Variants in CAPZA2 observed in about 807,000 individuals in gnomAD.
The protein encoded by CAPZA2 is F-actin-capping protein subunit alpha-2.
A neutral mutation model predicts 44.0 loss-of-function variants in CAPZA2; 13 were observed. The observed-to-expected ratio is 0.30, with a 90% CI of 0.19 to 0.47. The LOEUF (loss-of-function observed/expected upper bound fraction) is 0.47, where lower values mean the gene tolerates loss of function less well. Among genes scored for constraint, CAPZA2 ranks in the 20% least tolerant of loss-of-function variants. CAPZA2 has a pLI of 1.00. For synonymous variants in CAPZA2, 94 were observed against 108.2 expected, an observed-to-expected ratio of 0.87 and a Z score of 0.81; for missense variants, 244 against 338.6, an observed-to-expected ratio of 0.72 and a Z score of 2.19.
rs1045031629 is a variant in CAPZA2 at position 116,912,607 on chromosome 7, C to T, written c.657+467C>T. Among the ~76,000 whole-genome samples, 5 of 152,088 alleles carry T rather than the reference C, an allele frequency of 3.3e-5. No individual in the cohort carries two copies. The East Asian group carries it at 9.6e-4, about 29-fold the overall frequency. ...ATAATATATAGTCTTTTCTGACTGG[C>T]TTTTTTCATTTAACATGTTCAACAT... On this transcript the variant is annotated intron_variant, in intron 8 of 9. Coordinates refer to ENST00000361183, the MANE Select transcript of CAPZA2 (RefSeq NM_006136.3).
chr7:116,885,453 C>T (rs926254843), intron 1 of CAPZA2, among the ~76,000 whole-genome samples: 1 of 151,916 alleles, frequency 6.6e-6, no homozygotes, highest in African/African-American at 2.4e-5. Context: ...ACAGCGGACA[C>T]CAGCTGGGTG....
intron 1 of CAPZA2, chr7:116,873,688 TC>T (rs1428863916): frequency 2.6e-5 from 4 of 156,730 alleles, no homozygotes; most frequent in Admixed American, 1.3e-4. Context: ...CAGTAAACTC[TC>T]ACGTTGTACC....
intron 3 of CAPZA2, among the ~76,000 whole-genome samples, chr7:116,893,769 A>G (rs2115934851): frequency 6.6e-6 from 1 of 152,318 alleles, no homozygotes; most frequent in East Asian, 1.9e-4. Context: ...GTAGTACCTG[A>G]CACATACATG....
chr7:116,904,665 T>G (rs1791462800), intron 5 of CAPZA2: 1 of 280,464 alleles, frequency 3.6e-6, no homozygotes, highest in African/African-American at 2.2e-5. Context: ...TTCTGTAATC[T>G]TATGTTCATG....
chr7:116,883,944 CA>C lies in CAPZA2; in HGVS notation c.40-4179del, dbSNP rs1796730684. ...TTAGGAGTATTAAAAATAATTACCT[CA>C]AAATTCTAAAAGTGTTCTGTTATCA... On this transcript the variant is annotated intron_variant, in intron 1 of 9. Transcript: ENST00000361183. 2.6e-5 allele frequency among the ~76,000 whole-genome samples: 4 copies of C among 152,264 alleles called. No homozygotes were observed. In the South Asian group the frequency reaches 8.3e-4, roughly 32 times the overall value.
intron 1 of CAPZA2, among the ~76,000 whole-genome samples, chr7:116,865,306 C>T (rs976938591): frequency 6.6e-6 from 1 of 150,452 alleles, no homozygotes; most frequent in African/African-American, 2.4e-5. Flanking sequence ...CTGCCTCAGC[C>T]TCCCGAGTAG....
At chr7:116,897,967 C>T (rs941299104) in intron 3 of CAPZA2, among the ~76,000 whole-genome samples, 2 of 152,146 alleles carry the variant, frequency 1.3e-5, no homozygotes, top group Admixed American at 1.3e-4. Context: ...TTCTGTAACT[C>T]TGCTCTGTCT....
rs1277859463 is a variant in CAPZA2, at chr7:116,890,581, T to A, written c.103+2391T>A. The stretch of plus-strand genomic sequence containing the variant: ...ATATATATATATACACATATATATA[T>A]ATATATATATATATATACACACACA... On this transcript the variant is annotated intron_variant, in intron 2 of 9. Transcript: ENST00000361183. 1.1e-3 allele frequency among the ~76,000 whole-genome samples: 27 copies of A among 24,280 alleles called. 2 individuals are homozygous for A. Among genetic ancestry groups the A allele is most frequent in the African/African-American group, 5.7e-3 (21 of 3,680 alleles). The allele number at this position is 24,280 out of a possible 152,430, so 15.9% of individuals were successfully genotyped here.
chr7:116,881,717 C>T (rs958475992), intron 1 of CAPZA2, among the ~76,000 whole-genome samples: 6 of 124,790 alleles, frequency 4.8e-5, no homozygotes, highest in Middle Eastern at 6.8e-3. Flanking sequence ...CCAGCCTGGG[C>T]AGCAGAGTGA....
At chr7:116,877,311 C>T (rs1796635128) in intron 1 of CAPZA2, among the ~76,000 whole-genome samples, 2 of 152,130 alleles carry the variant, frequency 1.3e-5, no homozygotes, top group Admixed American at 6.5e-5. Context: ...ATGACCTTTT[C>T]TTCTGATACT....
chr7:116,912,473 C>G (rs539208100), intron 8 of CAPZA2, among the ~76,000 whole-genome samples: 3 of 152,262 alleles, frequency 2.0e-5, no homozygotes, highest in African/African-American at 7.2e-5. Context: ...CAATCATTCT[C>G]CATTCTACCC....
At chr7:116,872,829 A>C (rs1225353893) in intron 1 of CAPZA2, among the ~76,000 whole-genome samples, 1 of 152,214 alleles carries the variant, frequency 6.6e-6, no homozygotes, top group Non-Finnish European at 1.5e-5. Context: ...AAAACCTATA[A>C]GTCATTTCTC....
intron 1 of CAPZA2, among the ~76,000 whole-genome samples, chr7:116,867,440 G>A (rs755879805): frequency 3.3e-5 from 5 of 152,168 alleles, no homozygotes; most frequent in Non-Finnish European, 7.3e-5. Flanking sequence ...TTACAAGGAA[G>A]CCAAGTTCTT....
Position 116,918,843 on chromosome 7 carries a change from G to A in CAPZA2, c.*976G>A, listed in dbSNP as rs946767078. ...ATTAGAAAAGCTGGGATTACATATG[G>A]TGTGCGGTTACAGTCTAAATTTTTT... is the stretch of plus-strand genomic sequence containing the variant. On this transcript the variant is annotated 3_prime_UTR_variant, in exon 10 of 10. Coordinates refer to ENST00000361183, the MANE Select transcript of CAPZA2 (RefSeq NM_006136.3). The A allele has an allele frequency of 3.2e-4, 48 of 152,208 alleles. No homozygotes were observed. Among genetic ancestry groups the A allele is most frequent in the Middle Eastern group, 3.4e-3 (1 of 294 alleles). The allele number at this position is 152,208 out of a possible 1,614,324, so 9.4% of individuals were successfully genotyped here.
In CAPZA2 at chr7:116,918,089, T is replaced by C; in HGVS notation, c.*222T>C. On this transcript the variant is annotated 3_prime_UTR_variant, in exon 10 of 10. Coordinates refer to ENST00000361183, the MANE Select transcript of CAPZA2 (RefSeq NM_006136.3). ...AATCAGTTTAGTTTAAATGTCTTTCTGTTAGGCCTTTCTTTCTTACAATGA... is the reference window on the plus strand; with the variant it reads ...AATCAGTTTAGTTTAAATGTCTTTCCGTTAGGCCTTTCTTTCTTACAATGA... The C allele has an allele frequency of 2.5e-6, 1 of 402,718 alleles. No homozygotes were observed. The highest frequency in any genetic ancestry group is 4.5e-6 in the Non-Finnish European group (1 of 221,572). The allele number at this position is 402,718 out of a possible 1,614,324, so 24.9% of individuals were successfully genotyped here.
chr7:116,866,356 A>G (rs1372005838), intron 1 of CAPZA2, among the ~76,000 whole-genome samples: 2 of 151,894 alleles, frequency 1.3e-5, no homozygotes, highest in Non-Finnish European at 2.9e-5. Context: ...TATTTTTAGT[A>G]GAGACGGGGT....
chr7:116,892,436 T>A (rs956643901), intron 2 of CAPZA2, among the ~76,000 whole-genome samples: 1 of 152,214 alleles, frequency 6.6e-6, no homozygotes, highest in East Asian at 1.9e-4. Context: ...AAAAATGCTA[T>A]TTTTGAAGTC....
intron 5 of CAPZA2, among the ~76,000 whole-genome samples, chr7:116,905,312 A>G (rs1388967798): frequency 6.6e-6 from 1 of 152,072 alleles, no homozygotes; most frequent in South Asian, 2.1e-4. Context: ...AATGCAAATC[A>G]GGTCATTAAA....
intron 1 of CAPZA2, among the ~76,000 whole-genome samples, chr7:116,881,768 A>G (rs910395127): frequency 2.0e-5 from 3 of 148,894 alleles, no homozygotes; most frequent in African/African-American, 4.9e-5. Flanking sequence ...AAAAAATTAC[A>G]TCACTAATGC....
Sources: gnomAD v4.1 joint callset for allele counts (sites outside exome capture counted in the v4.1 genomes callset) on GRCh38, gnomAD v4.1.1 for gene constraint, MANE v1.5 for transcripts, NCBI Gene and HGNC (gene_info 2026-07-23, HGNC 2026-07-21) for gene names.